The following AMBRA1 variants were observed in gnomAD, a reference collection of about 807,000 sequenced individuals.
The protein encoded by AMBRA1 is autophagy and beclin 1 regulator 1, also known as activating molecule in BECN1-regulated autophagy protein 1.
A neutral mutation model predicts 125.4 loss-of-function variants in AMBRA1; 47 were observed. The observed-to-expected ratio is 0.37, with a 90% CI of 0.30 to 0.48. The LOEUF is 0.48. AMBRA1 is among the 20% of genes least tolerant of loss of function. The probability of loss-of-function intolerance (pLI) is 0.99; values close to 1 mark genes in which losing one functional copy is unlikely to be tolerated. For missense variants in AMBRA1, 1,331 were observed against 1,693.4 expected, an observed-to-expected ratio of 0.79 and a Z score of 3.76; for synonymous variants, 626 against 655.5, an observed-to-expected ratio of 0.95 and a Z score of 0.69.
chr11:46,418,117 C>T (rs935737575), intron 14 of AMBRA1, 65 bp from the exon 15 acceptor site: 2 of 1,447,228 alleles, frequency 1.4e-6, no homozygotes, highest in Non-Finnish European at 1.9e-6. Context: ...CCAAGAATAA[C>T]AAAATCCAGG....
intron 11 of AMBRA1, among the ~76,000 whole-genome samples, chr11:46,446,623 T>C (rs1426830737): frequency 6.6e-6 from 1 of 152,196 alleles, no homozygotes; most frequent in Non-Finnish European, 1.5e-5. Flanking sequence ...TCGCAGAACA[T>C]TTAGCATCCC....
intron 1 of AMBRA1, among the ~76,000 whole-genome samples, chr11:46,590,632 A>G (rs1464801132): frequency 6.6e-6 from 1 of 152,206 alleles, no homozygotes; most frequent in African/African-American, 2.4e-5. Context: ...TTACTAAAAG[A>G]CAGAATTCAG....
At chr11:46,481,592 A>C (rs149436088) in intron 11 of AMBRA1, among the ~76,000 whole-genome samples, 43 of 152,140 alleles carry the variant, frequency 2.8e-4, no homozygotes, top group African/African-American at 9.4e-4. Context: ...CGAACTCCCG[A>C]CTTCAGGTGA....
intron 1 of AMBRA1, among the ~76,000 whole-genome samples, chr11:46,552,609 C>T (rs1203568079): frequency 6.7e-6 from 1 of 148,306 alleles, no homozygotes; most frequent in African/African-American, 2.5e-5. Context: ...CACTTGAACC[C>T]GGGAGGCGGA....
intron 11 of AMBRA1, among the ~76,000 whole-genome samples, chr11:46,481,712 T>C (rs1950078668): frequency 6.6e-6 from 1 of 152,314 alleles, no homozygotes; most frequent in African/African-American, 2.4e-5. Flanking sequence ...TAGCCTGTTT[T>C]TCTACCAACA....
chr11:46,447,412 G>A lies in AMBRA1; in HGVS notation c.2522-3814C>T, dbSNP rs142086699. 9.2e-5 allele frequency among the ~76,000 whole-genome samples: 14 copies of A among 152,262 alleles called. No homozygotes were observed. The East Asian group carries it at 2.5e-3, about 27-fold the overall frequency. On this transcript the variant is annotated intron_variant, in intron 11 of 17. Transcript: ENST00000683756. ...TAGCCAGGCATAGTGGTGTGTGCCT[G>A]TAGTCTCAGTTACTTGGGATGCTGA...
At chr11:46,460,516 G>C (rs2136831886) in intron 11 of AMBRA1, among the ~76,000 whole-genome samples, 1 of 152,106 alleles carries the variant, frequency 6.6e-6, no homozygotes, top group Non-Finnish European at 1.5e-5. Context: ...GTAGAGACAG[G>C]GTTTCACCGT....
chr11:46,445,820 G>A (rs1015929485), intron 11 of AMBRA1, among the ~76,000 whole-genome samples: 4 of 152,082 alleles, frequency 2.6e-5, no homozygotes, highest in East Asian at 1.9e-4. Flanking sequence ...GATTTTCTCA[G>A]TACATGATGA....
intron 7 of AMBRA1, chr11:46,518,148 G>T: frequency 1.0e-6 from 1 of 982,582 alleles, no homozygotes; most frequent in Non-Finnish European, 1.2e-6. Context: ...AATTACTCAC[G>T]GCCAGGCGCG....
chr11:46,515,535 G>A (rs1951440605), intron 7 of AMBRA1, among the ~76,000 whole-genome samples: 1 of 152,034 alleles, frequency 6.6e-6, no homozygotes, highest in Admixed American at 6.5e-5. Context: ...ACTAATTATG[G>A]TAACAAAAGC....
In AMBRA1 at chr11:46,565,017, G is replaced by A. The variant is rs114266792; in HGVS notation, c.-120-16517C>T. On this transcript the variant is annotated intron_variant, in intron 1 of 17. Coordinates refer to ENST00000683756, the MANE Select transcript of AMBRA1 (RefSeq NM_001387011.1). ...CATGCCTGTAATCCCACCACTTTAG[G>A]AGGCCAAGGCTTGAAGATCACTTGA... Among the ~76,000 whole-genome samples, 183 of 152,174 alleles carry A rather than the reference G, an allele frequency of 1.2e-3. 1 individual carries two copies. Among genetic ancestry groups the A allele is most frequent in the African/African-American group, 4.1e-3 (170 of 41,522 alleles).
intron 7 of AMBRA1, among the ~76,000 whole-genome samples, chr11:46,514,160 C>T (rs771860065): frequency 6.6e-6 from 1 of 152,198 alleles, no homozygotes; most frequent in Non-Finnish European, 1.5e-5. Flanking sequence ...AGGATAAGGA[C>T]AGCAGCTACC....
At chr11:46,558,548 C>CAAAAAA (rs58748629) in intron 1 of AMBRA1, among the ~76,000 whole-genome samples, 1 of 38,740 alleles carries the variant, frequency 2.6e-5, no homozygotes, top group Non-Finnish European at 5.2e-5. Flanking sequence ...GACTCCCTCT[C>CAAAAAA]AAAAAAAAAA....
intron 1 of AMBRA1, among the ~76,000 whole-genome samples, chr11:46,592,467 T>TACAAC (rs1432111036): frequency 6.6e-6 from 1 of 152,044 alleles, no homozygotes; most frequent in Non-Finnish European, 1.5e-5. Context: ...ACTAATCAAA[T>TACAAC]ACAACAAAAC....
chr11:46,488,004 C>T (rs1950321000), intron 11 of AMBRA1, among the ~76,000 whole-genome samples: 1 of 152,042 alleles, frequency 6.6e-6, no homozygotes, highest in Non-Finnish European at 1.5e-5. Flanking sequence ...AAAAGAACTG[C>T]AGTAGCTATA....
Position 46,548,226 on chromosome 11 carries a change from A to T in AMBRA1, c.135+20T>A. 3.1e-6 allele frequency: 5 copies of T among 1,614,020 alleles called. No individual in the cohort carries two copies. Among genetic ancestry groups the T allele is most frequent in the Non-Finnish European group, 4.2e-6 (5 of 1,180,008 alleles). On this transcript the variant is annotated intron_variant, in intron 2 of 17. Coordinates refer to ENST00000683756, the MANE Select transcript of AMBRA1 (RefSeq NM_001387011.1). The stretch of plus-strand genomic sequence containing the variant: ...CATCACCAGCACAAATCCTATGTGA[A>T]ATATAGCCATTTTCCTTACCTTGCC...
At chr11:46,497,260 T>C (rs1335557851) in intron 9 of AMBRA1, among the ~76,000 whole-genome samples, 3 of 152,186 alleles carry the variant, frequency 2.0e-5, no homozygotes, top group Non-Finnish European at 4.4e-5. Context: ...ATAATGGCTT[T>C]ATAGTGTTTA....
At chr11:46,398,193 T>C (rs1397775433) in intron 17 of AMBRA1, among the ~76,000 whole-genome samples, 1 of 152,244 alleles carries the variant, frequency 6.6e-6, no homozygotes, top group East Asian at 1.9e-4. Flanking sequence ...GAGGCAGCAC[T>C]GGCCCAGAAG....
intron 1 of AMBRA1, among the ~76,000 whole-genome samples, chr11:46,585,782 C>T (rs2044375405): frequency 8.0e-6 from 1 of 125,358 alleles, no homozygotes; most frequent in Non-Finnish European, 1.6e-5. Context: ...GGCATAAAGA[C>T]TTTTATAATT....
Sources: gnomAD v4.1 joint callset for allele counts (sites outside exome capture counted in the v4.1 genomes callset) on GRCh38, gnomAD v4.1.1 for gene constraint, MANE v1.5 for transcripts, NCBI Gene and HGNC (gene_info 2026-07-23, HGNC 2026-07-21) for gene names.